Variants in IFNG-AS1 observed in about 807,000 individuals in gnomAD.
IFNG-AS1 encodes the protein IFNG regulatory antisense RNA 1, also known as IFNG antisense RNA 1 (non-protein coding).
intron 3 of IFNG-AS1, among the ~76,000 whole-genome samples, chr12:68,017,392 T>A (rs1357250520): frequency 6.6e-6 from 1 of 151,974 alleles, no homozygotes; most frequent in African/African-American, 2.4e-5. Context: ...GGAGAAAAAT[T>A]AGAAGGGGAT....
intron 1 of IFNG-AS1, among the ~76,000 whole-genome samples, chr12:67,992,991 A>C (rs1879551217): frequency 6.6e-6 from 1 of 152,188 alleles, no homozygotes; most frequent in South Asian, 2.1e-4. Context: ...TTGCAGCTTG[A>C]CTTAAGAAAA....
chr12:68,011,629 T>C (rs1272517451), intron 3 of IFNG-AS1, among the ~76,000 whole-genome samples: 1 of 152,182 alleles, frequency 6.6e-6, no homozygotes, highest in Non-Finnish European at 1.5e-5. Flanking sequence ...TCCCACTTAA[T>C]GAGAAAACTC....
intron 2 of IFNG-AS1, among the ~76,000 whole-genome samples, chr12:68,005,022 T>A (rs1461881807): frequency 6.6e-6 from 1 of 152,174 alleles, no homozygotes; most frequent in African/African-American, 2.4e-5. Flanking sequence ...GAGGTGACAT[T>A]TATAGTCTCC....
chr12:67,991,112 G>A (rs1879502199), intron 1 of IFNG-AS1, among the ~76,000 whole-genome samples: 1 of 152,184 alleles, frequency 6.6e-6, no homozygotes, highest in Admixed American at 6.5e-5. Context: ...TAATGGCAAA[G>A]GAGGGATGGA....
intron 2 of IFNG-AS1, among the ~76,000 whole-genome samples, chr12:67,996,288 G>A (rs1879640946): frequency 6.6e-6 from 1 of 152,210 alleles, no homozygotes; most frequent in African/African-American, 2.4e-5. Context: ...GGATAGTAAA[G>A]CAGAGGCCAT....
intron 1 of IFNG-AS1, among the ~76,000 whole-genome samples, chr12:67,994,710 A>C (rs1176505736): frequency 6.6e-6 from 1 of 152,250 alleles, no homozygotes; most frequent in African/African-American, 2.4e-5. Flanking sequence ...CTGGATGATG[A>C]AATAGATGTA....
At chr12:68,013,295 G>A (rs892759128) in intron 3 of IFNG-AS1, among the ~76,000 whole-genome samples, 1 of 152,290 alleles carries the variant, frequency 6.6e-6, no homozygotes. Flanking sequence ...ATTGGTGGAG[G>A]TTGGGGCTGC....
At chr12:68,003,874 T>A (rs1879842894) in intron 2 of IFNG-AS1, among the ~76,000 whole-genome samples, 1 of 145,378 alleles carries the variant, frequency 6.9e-6, no homozygotes, top group South Asian at 2.2e-4. Context: ...CCCACTGCAC[T>A]CCAGCCTGGG....
chr12:67,997,906 A>G (rs1879681168), intron 2 of IFNG-AS1, among the ~76,000 whole-genome samples: 1 of 152,098 alleles, frequency 6.6e-6, no homozygotes, highest in Admixed American at 6.5e-5. Flanking sequence ...AATGTTTAAT[A>G]TCATTCATAA....
intron 2 of IFNG-AS1, among the ~76,000 whole-genome samples, chr12:67,998,185 G>A (rs535579643): frequency 5.3e-5 from 8 of 151,872 alleles, no homozygotes; most frequent in Non-Finnish European, 8.8e-5. Flanking sequence ...ATTTGCACAG[G>A]GTTATTAATT....
chr12:68,015,441 G>A (rs1200512941), intron 3 of IFNG-AS1, among the ~76,000 whole-genome samples: 1 of 152,112 alleles, frequency 6.6e-6, no homozygotes, highest in Non-Finnish European at 1.5e-5. Flanking sequence ...AAGGTGTCAG[G>A]AGCAAGCAAT....
chr12:68,005,983 C>T (rs1049768085), intron 2 of IFNG-AS1: 5 of 152,204 alleles, frequency 3.3e-5, no homozygotes, highest in Non-Finnish European at 7.3e-5. Context: ...TCAATGAATT[C>T]TTAGGGCCTG....
At chr12:68,007,398 A>C (rs2120453917) in intron 3 of IFNG-AS1, among the ~76,000 whole-genome samples, 1 of 152,376 alleles carries the variant, frequency 6.6e-6, no homozygotes, top group East Asian at 1.9e-4. Context: ...ACAATTAAGA[A>C]TGTCATCCTA....
At chr12:68,014,463 G>T (rs1565692181) in intron 3 of IFNG-AS1, among the ~76,000 whole-genome samples, 1 of 152,090 alleles carries the variant, frequency 6.6e-6, no homozygotes, top group African/African-American at 2.4e-5. Flanking sequence ...GTTTTGTTTT[G>T]TTTTTTATTA....
intron 3 of IFNG-AS1, among the ~76,000 whole-genome samples, chr12:68,016,439 A>T (rs1413610913): frequency 6.6e-6 from 1 of 152,144 alleles, no homozygotes; most frequent in Non-Finnish European, 1.5e-5. Context: ...AGTGGTTAGG[A>T]GAATGGACTC....
At chr12:67,992,990 G>C (rs1397097824) in intron 1 of IFNG-AS1, among the ~76,000 whole-genome samples, 1 of 152,096 alleles carries the variant, frequency 6.6e-6, no homozygotes, top group Non-Finnish European at 1.5e-5. Context: ...TTTGCAGCTT[G>C]ACTTAAGAAA....
chr12:68,018,256 T>C (rs934085810), intron 3 of IFNG-AS1, among the ~76,000 whole-genome samples: 19 of 152,150 alleles, frequency 1.2e-4, no homozygotes, highest in African/African-American at 3.9e-4. Context: ...TGGAGGTTGC[T>C]GATCTTGTCT....
intron 3 of IFNG-AS1, among the ~76,000 whole-genome samples, chr12:68,018,229 A>G (rs961924488): frequency 5.9e-5 from 9 of 152,136 alleles, no homozygotes; most frequent in African/African-American, 1.4e-4. Context: ...GGTCTTCTGA[A>G]CAAGACTTAG....
chr12:67,999,463 A>T (rs1879717097), intron 2 of IFNG-AS1, among the ~76,000 whole-genome samples: 1 of 152,180 alleles, frequency 6.6e-6, no homozygotes. Flanking sequence ...GAAAGAAAAG[A>T]AGCAGTAAGA....
Sources: gnomAD v4.1 joint callset for allele counts (sites outside exome capture counted in the v4.1 genomes callset) on GRCh38, gnomAD v4.1.1 for gene constraint, MANE v1.5 for transcripts, NCBI Gene and HGNC (gene_info 2026-07-23, HGNC 2026-07-21) for gene names.